KCNJ6: variants seen among roughly 807,000 people sequenced by gnomAD.
The protein encoded by KCNJ6 is G protein-activated inward rectifier potassium channel 2.
KCNJ6 carries 9 observed loss-of-function variants against 34.2 expected under a neutral mutation model. The ratio of observed to expected loss-of-function variants is 0.26; its 90% CI spans 0.16 to 0.46. KCNJ6 has a LOEUF of 0.46. Ranked by LOEUF, KCNJ6 falls within the 20% of genes least tolerant of loss-of-function variation. The probability of loss-of-function intolerance (pLI) is 1.00; values close to 1 mark genes in which losing one functional copy is unlikely to be tolerated. For synonymous variants in KCNJ6, 196 were observed against 207.1 expected (o/e 0.95, Z 0.46); for missense variants, 236 against 531.3 (o/e 0.44, Z 5.46).
chr21:37,853,135 T>C (rs1014907860), intron 1 of KCNJ6, among the ~76,000 whole-genome samples: 3 of 148,906 alleles, frequency 2.0e-5, no homozygotes, highest in African/African-American at 7.4e-5. Flanking sequence ...TGGCTGCAAT[T>C]TTTTCAAATT....
intron 2 of KCNJ6, among the ~76,000 whole-genome samples, chr21:37,763,702 G>A (rs928637150): frequency 1.6e-4 from 24 of 152,180 alleles, no homozygotes; most frequent in African/African-American, 5.8e-4. Flanking sequence ...TGTGTGTGAT[G>A]TTCCCCACCC....
intron 2 of KCNJ6, among the ~76,000 whole-genome samples, chr21:37,719,036 T>G: frequency 1.3e-5 from 2 of 149,856 alleles, no homozygotes; most frequent in African/African-American, 4.9e-5. Flanking sequence ...AGGCATGGAG[T>G]TGAGAGAAAT....
At position 37,717,726 on chromosome 21, in the gene KCNJ6, C is replaced by T. The variant is rs975494245; in HGVS notation, c.26-2595G>A. On this transcript the variant is annotated intron_variant, in intron 2 of 3. Transcript: ENST00000609713. ...GGCCTGGTGTATATCCCGTCTTGAC[C>T]GCTGGGAGGCTGCCCAGCTGTGCAA... Among the ~76,000 whole-genome samples the T allele has an allele frequency of 3.9e-5, 6 of 152,348 alleles. No homozygotes were observed. In the East Asian group the frequency reaches 7.7e-4, roughly 20 times the overall value.
intron 3 of KCNJ6, among the ~76,000 whole-genome samples, chr21:37,648,961 G>A (rs2054418481): frequency 1.3e-5 from 2 of 151,708 alleles, no homozygotes; most frequent in African/African-American, 4.8e-5. Context: ...GTGAAACCCC[G>A]TCTCTACCAA....
intron 2 of KCNJ6, among the ~76,000 whole-genome samples, chr21:37,824,774 C>T (rs1368214162): frequency 6.6e-6 from 1 of 152,148 alleles, no homozygotes; most frequent in Non-Finnish European, 1.5e-5. Flanking sequence ...GTCGCCTAGC[C>T]ATGCTTCCTG....
intron 1 of KCNJ6, among the ~76,000 whole-genome samples, chr21:37,848,446 T>G (rs1035421674): frequency 6.6e-6 from 1 of 152,182 alleles, no homozygotes; most frequent in African/African-American, 2.4e-5. Flanking sequence ...GCAGGCCATG[T>G]AGGATGCTTT....
chr21:37,880,263 A>C (rs1001896118), intron 1 of KCNJ6, among the ~76,000 whole-genome samples: 1 of 152,328 alleles, frequency 6.6e-6, no homozygotes, highest in East Asian at 1.9e-4. Context: ...ACTCCGTCTC[A>C]AAAAAGAACA....
At chr21:37,734,078 T>C (rs1198160634) in intron 2 of KCNJ6, among the ~76,000 whole-genome samples, 4 of 152,232 alleles carry the variant, frequency 2.6e-5, no homozygotes, top group African/African-American at 9.6e-5. Flanking sequence ...TTTCTCAATT[T>C]GTTTGAGTCA....
intron 2 of KCNJ6, among the ~76,000 whole-genome samples, chr21:37,833,266 C>T (rs2055435662): frequency 6.6e-6 from 1 of 152,158 alleles, no homozygotes; most frequent in Non-Finnish European, 1.5e-5. Flanking sequence ...CCACCCACCT[C>T]AGCCTCCCAA....
chr21:37,687,142 T>C (rs1601419710), intron 3 of KCNJ6, among the ~76,000 whole-genome samples: 1 of 151,886 alleles, frequency 6.6e-6, no homozygotes, highest in East Asian at 2.0e-4. Flanking sequence ...CTGGCTTGGG[T>C]TAAAACTGCA....
At chr21:37,647,413 C>A (rs900020326) in intron 3 of KCNJ6, among the ~76,000 whole-genome samples, 36 of 152,130 alleles carry the variant, frequency 2.4e-4, no homozygotes, top group African/African-American at 8.2e-4. Flanking sequence ...TTAACCATGT[C>A]TTTTATTTTC....
In KCNJ6 at chr21:37,758,804, G is replaced by GT. The variant is rs372633379; in HGVS notation, c.26-43674dup. Among the ~76,000 whole-genome samples, 198 of 152,080 alleles carry GT rather than the reference G, an allele frequency of 1.3e-3. 1 individual carries two copies. The highest frequency in any genetic ancestry group is 4.7e-3 in the African/African-American group (193 of 41,484). On this transcript the variant is annotated intron_variant, in intron 2 of 3. Coordinates refer to ENST00000609713, the MANE Select transcript of KCNJ6 (RefSeq NM_002240.5). Reference sequence around the variant, plus strand: ...TGCCACCATGCCTGCCTACTTTTTTGTTTTTTTGTAGAGATGAGAGCTTGC... The same window carrying GT: ...TGCCACCATGCCTGCCTACTTTTTTGTTTTTTTTGTAGAGATGAGAGCTTGC...
chr21:37,775,990 A>G (rs2055140302), intron 2 of KCNJ6, among the ~76,000 whole-genome samples: 1 of 152,096 alleles, frequency 6.6e-6, no homozygotes, highest in African/African-American at 2.4e-5. Context: ...TGAGCATGGA[A>G]TGTTCTTCCA....
chr21:37,639,383 T>C (rs550986565), intron 3 of KCNJ6, among the ~76,000 whole-genome samples: 47 of 152,232 alleles, frequency 3.1e-4, no homozygotes, highest in Non-Finnish European at 6.5e-4. Flanking sequence ...AATCCTAGAA[T>C]ATTCCCACGA....
intron 2 of KCNJ6, among the ~76,000 whole-genome samples, chr21:37,778,672 T>C (rs960862792): frequency 1.3e-5 from 2 of 150,400 alleles, no homozygotes. Flanking sequence ...TCCCACTACA[T>C]TGTGTGTATC....
chr21:37,733,199 G>C (rs1192285648), intron 2 of KCNJ6, among the ~76,000 whole-genome samples: 2 of 152,132 alleles, frequency 1.3e-5, no homozygotes, highest in Admixed American at 6.5e-5. Flanking sequence ...ACTAATTCCT[G>C]CATCAATAAA....
chr21:37,709,240 G>A (rs1447886729), intron 3 of KCNJ6, among the ~76,000 whole-genome samples: 1 of 152,216 alleles, frequency 6.6e-6, no homozygotes, highest in Non-Finnish European at 1.5e-5. Context: ...GACTGGGCGC[G>A]GTGGCTCACA....
In KCNJ6 at chr21:37,693,934, TTA is replaced by T. The variant is rs772087958; in HGVS notation, c.946+20275_946+20276del. Among the ~76,000 whole-genome samples, 845 of 127,824 alleles carry T rather than the reference TTA, an allele frequency of 6.6e-3. 6 individuals are homozygous for T. Among genetic ancestry groups the T allele is most frequent in the African/African-American group, 0.024 (762 of 31,400 alleles). 83.9% of individuals were successfully genotyped at this position (127,824 alleles called of 152,430 possible). A position where few individuals can be genotyped will look rare whatever the true frequency, so the allele number is the denominator to read the frequency against. ...CATTCAATTATTTACCATTTTTTTT[TTA>T]AAAAAAACAAACATTGGAACAAATA... On this transcript the variant is annotated intron_variant, in intron 3 of 3. Transcript: ENST00000609713.
intron 1 of KCNJ6, among the ~76,000 whole-genome samples, chr21:37,888,476 A>C (rs1472885593): frequency 6.6e-6 from 1 of 152,222 alleles, no homozygotes; most frequent in Non-Finnish European, 1.5e-5. Context: ...TTGACTTTGG[A>C]ACCAGGCACT....
Sources: allele counts gnomAD v4.1 joint callset (sites outside exome capture counted in the v4.1 genomes callset), GRCh38; gene constraint gnomAD v4.1.1; transcripts MANE v1.5; gene names NCBI Gene and HGNC (gene_info 2026-07-23, HGNC 2026-07-21).